VAMP7: variants seen among roughly 807,000 people sequenced by gnomAD.
VAMP7 encodes the protein vesicle associated membrane protein 7.
VAMP7 carries 14 observed loss-of-function variants against 29.6 expected under a neutral mutation model. The ratio of observed to expected loss-of-function variants is 0.47; its 90% CI spans 0.31 to 0.74. VAMP7 has a LOEUF of 0.74. Among genes scored for constraint, VAMP7 ranks in the 30% least tolerant of loss-of-function variants. The pLI is 0.05. For synonymous variants in VAMP7, 95 were observed against 88.1 expected (o/e 1.08, Z -0.44); for missense variants, 223 against 262.4 (o/e 0.85, Z 1.04).
At chrX:155,892,500 C>T (rs923754220) in intron 2 of VAMP7, among the ~76,000 whole-genome samples, 2 of 152,120 alleles carry the variant, frequency 1.3e-5, no homozygotes, top group Admixed American at 6.5e-5. Context: ...CATACTTAGC[C>T]ATTTACAATT....
chrX:155,901,727 C>T (rs2066065339), intron 5 of VAMP7, among the ~76,000 whole-genome samples: 1 of 152,064 alleles, frequency 6.6e-6, no homozygotes, highest in Admixed American at 6.5e-5. Context: ...TTCCATTGAT[C>T]TATATCTCTG....
chrX:155,898,333 T>A, intron 4 of VAMP7, 84 bp downstream of exon 4: 1 of 1,490,768 alleles, frequency 6.7e-7, no homozygotes, highest in Non-Finnish European at 9.0e-7. Flanking sequence ...GGCCCTGACC[T>A]GCAATATAGT....
At chrX:155,937,640 C>G (rs2066681406) in intron 6 of VAMP7, among the ~76,000 whole-genome samples, 1 of 151,986 alleles carries the variant, frequency 6.6e-6, no homozygotes, top group African/African-American at 2.4e-5. Context: ...TAACATTTTC[C>G]TTTTTTCAAT....
In VAMP7 at chrX:155,930,591, A is replaced by G. The variant is rs973439931; in HGVS notation, c.502-9110A>G. Among the ~76,000 whole-genome samples, 19 of 151,804 alleles carry G rather than the reference A, an allele frequency of 1.3e-4. 1 individual carries two copies. Among genetic ancestry groups the G allele is most frequent in the Non-Finnish European group, 1.0e-4 (7 of 67,944 alleles). On this transcript the variant is annotated intron_variant, in intron 6 of 7. Coordinates refer to ENST00000286448, the MANE Select transcript of VAMP7 (RefSeq NM_005638.6). The stretch of plus-strand genomic sequence containing the variant: ...CTTGAACCCAGGAATTCAGAGCTGC[A>G]GAGAGCTATGATCACACCACTGCAT...
chrX:155,919,922 G>T (rs200812922), intron 6 of VAMP7, 42 bp downstream of exon 6: 2 of 1,456,360 alleles, frequency 1.4e-6, no homozygotes, highest in East Asian at 4.6e-5. Flanking sequence ...ATGTAAAGTG[G>T]AGAAACTATG....
At chrX:155,924,396 CTTT>C (rs1221255147) in intron 6 of VAMP7, among the ~76,000 whole-genome samples, 1 of 152,034 alleles carries the variant, frequency 6.6e-6, no homozygotes, top group Middle Eastern at 3.2e-3. Flanking sequence ...ATTTCCAAAA[CTTT>C]TTTATCACCC....
At chrX:155,941,368 A>G (rs982216362) in intron 7 of VAMP7, among the ~76,000 whole-genome samples, 1 of 152,098 alleles carries the variant, frequency 6.6e-6, no homozygotes, top group Non-Finnish European at 1.5e-5. Flanking sequence ...GGTCATCGTA[A>G]TTATTGTGTC....
chrX:155,940,742 C>T (rs2066732103), intron 7 of VAMP7, among the ~76,000 whole-genome samples: 1 of 152,116 alleles, frequency 6.6e-6, no homozygotes. Flanking sequence ...AAATAGTCAA[C>T]TTTACATCAA....
At chrX:155,928,128 G>T (rs752349688) in intron 6 of VAMP7, among the ~76,000 whole-genome samples, 3 of 152,098 alleles carry the variant, frequency 2.0e-5, no homozygotes, top group South Asian at 2.1e-4. Context: ...TCCCTATGTT[G>T]CTCTGGCTGG....
chrX:155,928,259 G>A (rs1263494572), intron 6 of VAMP7, among the ~76,000 whole-genome samples: 1 of 151,974 alleles, frequency 6.6e-6, no homozygotes, highest in Non-Finnish European at 1.5e-5. Flanking sequence ...TTTTATATTT[G>A]GTTTTCAACT....
chrX:155,887,203 T>A (rs755353948), intron 1 of VAMP7, among the ~76,000 whole-genome samples: 1 of 152,318 alleles, frequency 6.6e-6, no homozygotes, highest in African/African-American at 2.4e-5. Flanking sequence ...CAACTGTTGG[T>A]TGTGCTTTGG....
At chrX:155,928,133 G>A (rs2066498007) in intron 6 of VAMP7, among the ~76,000 whole-genome samples, 1 of 151,688 alleles carries the variant, frequency 6.6e-6, no homozygotes, top group Non-Finnish European at 1.5e-5. Context: ...ATGTTGCTCT[G>A]GCTGGTCTCA....
In VAMP7 at chrX:155,926,410, T is replaced by C. The variant is rs1333724981; in HGVS notation, c.501+6530T>C. On this transcript the variant is annotated intron_variant, in intron 6 of 7. Transcript: ENST00000286448. ...ACCTTGTACTTTTATGTTATAGAGA[T>C]GGCTTCTTTCCTTAAACCTCATGAA... Among the ~76,000 whole-genome samples the C allele has an allele frequency of 3.3e-5, 5 of 152,358 alleles. No homozygotes were observed. In the East Asian group the frequency reaches 7.7e-4, roughly 24 times the overall value.
At chrX:155,920,720 G>A (rs1271193270) in intron 6 of VAMP7, among the ~76,000 whole-genome samples, 1 of 152,162 alleles carries the variant, frequency 6.6e-6, no homozygotes, top group East Asian at 1.9e-4. Flanking sequence ...TCTGTAAAAT[G>A]AAGATGTACC....
intron 5 of VAMP7, among the ~76,000 whole-genome samples, chrX:155,918,096 T>A (rs1457578154): frequency 6.6e-6 from 1 of 152,156 alleles, no homozygotes; most frequent in Non-Finnish European, 1.5e-5. Flanking sequence ...CTGGCCACTC[T>A]GTTTACACAG....
chrX:155,909,880 G>T (rs905269108), intron 5 of VAMP7, among the ~76,000 whole-genome samples: 3 of 152,094 alleles, frequency 2.0e-5, no homozygotes, highest in Non-Finnish European at 2.9e-5. Context: ...TGCAAAGACT[G>T]TGTAATGATC....
At chrX:155,912,186 A>T (rs2066246911) in intron 5 of VAMP7, among the ~76,000 whole-genome samples, 1 of 152,014 alleles carries the variant, frequency 6.6e-6, no homozygotes, top group Admixed American at 6.6e-5. Flanking sequence ...GAGAGTTTTT[A>T]TCATGAAGAG....
At chrX:155,931,720 C>A (rs1193987688) in intron 6 of VAMP7, among the ~76,000 whole-genome samples, 101 of 152,232 alleles carry the variant, frequency 6.6e-4, no homozygotes, top group Admixed American at 1.1e-3. Context: ...AATTAGATCC[C>A]ATTTGTCAAT....
intron 6 of VAMP7, among the ~76,000 whole-genome samples, chrX:155,938,744 AGGTCAAAGCT>A (rs1378619812): frequency 2.0e-5 from 3 of 152,264 alleles, no homozygotes; most frequent in South Asian, 2.1e-4. Context: ...TGAGCCCAGG[AGGTCAAAGCT>A]GCAGTGAGTC....
Sources: gnomAD v4.1 joint callset for allele counts (sites outside exome capture counted in the v4.1 genomes callset) on GRCh38, gnomAD v4.1.1 for gene constraint, MANE v1.5 for transcripts, NCBI Gene and HGNC (gene_info 2026-07-23, HGNC 2026-07-21) for gene names.